The following TCEA3 variants were observed in gnomAD, a reference collection of about 807,000 sequenced individuals.
TCEA3 encodes transcription elongation factor A protein 3.
In TCEA3, 36 loss-of-function variants were observed where a neutral mutation model predicts 44.0. The ratio of observed to expected loss-of-function variants is 0.82; its 90% CI spans 0.63 to 1.08. The LOEUF is 1.08. TCEA3 is among the 50% of genes least tolerant of loss of function. The pLI is 0.00. For synonymous variants in TCEA3, 162 were observed against 159.7 expected (o/e 1.01, Z -0.11); for missense variants, 392 against 441.2 (o/e 0.89, Z 1.00).
chr1:23,384,679 T>TTTTG (rs1558016807), intron 9 of TCEA3, among the ~76,000 whole-genome samples: 1 of 149,920 alleles, frequency 6.7e-6, no homozygotes. Context: ...TTTTTTTTTT[T>TTTTG]TTTTGACAGT....
At chr1:23,394,406 G>A (rs1036998123) in intron 7 of TCEA3, among the ~76,000 whole-genome samples, 1 of 152,138 alleles carries the variant, frequency 6.6e-6, no homozygotes, top group African/African-American at 2.4e-5. Flanking sequence ...GCCACGTGAT[G>A]CACTAGTGTG....
chr1:23,408,719 A>T lies in TCEA3; in HGVS notation c.388T>A (p.Ser130Thr), dbSNP rs372271797. The T allele has an allele frequency of 6.2e-7, 1 of 1,608,832 alleles. No individual in the cohort carries two copies. The highest frequency in any genetic ancestry group is 8.5e-7 in the Non-Finnish European group (1 of 1,177,680). ...GAGGCAGAAGACTTGGAGTCCACAGAGTCTCTCCTGAAAGAAGAAAATTGG... is the reference window on the plus strand; with the variant it reads ...GAGGCAGAAGACTTGGAGTCCACAGTGTCTCTCCTGAAAGAAGAAAATTGG... ...KREDPKTRRD[S>T]VDSKSSASSS... The change falls in exon 5 of 11, where the codon TCT becomes ACT. Residue 130 changes from serine to threonine, a missense_variant. Physicochemically the swap from Ser to Thr is moderately conservative, Grantham distance 58 (BLOSUM62 1). Transcript: ENST00000450454.
At chr1:23,381,756 A>G (rs1638676948) in intron 10 of TCEA3, among the ~76,000 whole-genome samples, 1 of 152,226 alleles carries the variant, frequency 6.6e-6, no homozygotes, top group African/African-American at 2.4e-5. Context: ...CATCACTGGG[A>G]TGGCTACTAA....
chr1:23,416,694 G>C (rs749372221), intron 4 of TCEA3, among the ~76,000 whole-genome samples: 33 of 152,048 alleles, frequency 2.2e-4, no homozygotes, highest in Admixed American at 1.6e-3. Flanking sequence ...GTTTTGCCAT[G>C]TTGCCCAGGC....
intron 8 of TCEA3, among the ~76,000 whole-genome samples, chr1:23,390,235 G>C (rs991778851): frequency 2.6e-5 from 4 of 152,200 alleles, no homozygotes; most frequent in Admixed American, 1.3e-4. Context: ...TCAGGAAGCC[G>C]AGGCGGGCAG....
chr1:23,405,594 C>A (rs1639521845), intron 5 of TCEA3, among the ~76,000 whole-genome samples: 1 of 146,292 alleles, frequency 6.8e-6, no homozygotes. Flanking sequence ...GACTTCATCT[C>A]AAAAAAAAAA....
intron 8 of TCEA3, among the ~76,000 whole-genome samples, chr1:23,391,946 A>AT (rs2148550687): frequency 6.6e-6 from 1 of 152,288 alleles, no homozygotes; most frequent in South Asian, 2.1e-4. Context: ...ACAAAAAAAA[A>AT]GAAATGTGAG....
At chr1:23,424,484 CA>C in intron 1 of TCEA3, 80 bp downstream of exon 1, 1 of 1,343,732 alleles carries the variant, frequency 7.4e-7, no homozygotes, top group Non-Finnish European at 1.0e-6. Context: ...GGCGCCCCGC[CA>C]GTACGTCCCC....
chr1:23,411,039 G>A, intron 4 of TCEA3: 1 of 204,964 alleles, frequency 4.9e-6, no homozygotes, highest in East Asian at 1.3e-4. Flanking sequence ...TCAGGGGACA[G>A]GAAAGTGTAC....
intron 7 of TCEA3, among the ~76,000 whole-genome samples, chr1:23,395,615 C>T (rs1639193374): frequency 6.6e-6 from 1 of 152,094 alleles, no homozygotes; most frequent in Admixed American, 6.6e-5. Context: ...CACCTGAGGT[C>T]AGGAGTTCAA....
Position 23,387,473 on chromosome 1 carries a change from C to T in TCEA3, c.820-54G>A, listed in dbSNP as rs1638882643. On this transcript the variant is annotated intron_variant, in intron 8 of 10. Coordinates refer to ENST00000450454, the MANE Select transcript of TCEA3 (RefSeq NM_003196.3). The stretch of plus-strand genomic sequence containing the variant: ...GCTGAGGAGTTTCAGGGGCCCTGCC[C>T]TACACCCGGTTTCTAGAAAGCCTGA... 11 of 1,512,266 alleles carry T rather than the reference C, an allele frequency of 7.3e-6. No homozygotes were observed. The South Asian group carries it at 1.4e-4, about 19-fold the overall frequency. The allele number at this position is 1,512,266 out of a possible 1,614,324, so 93.7% of individuals were successfully genotyped here. A position where few individuals can be genotyped will look rare whatever the true frequency, so the allele number is the denominator to read the frequency against.
intron 10 of TCEA3, among the ~76,000 whole-genome samples, chr1:23,383,257 G>A (rs1261189180): frequency 1.4e-5 from 2 of 143,276 alleles, no homozygotes; most frequent in Non-Finnish European, 3.0e-5. Flanking sequence ...TCCAGCCTGG[G>A]CAACAGAGCG....
At chr1:23,392,040 A>G (rs1017421698) in intron 8 of TCEA3, among the ~76,000 whole-genome samples, 2 of 152,174 alleles carry the variant, frequency 1.3e-5, no homozygotes, top group Admixed American at 1.3e-4. Context: ...TGTAAAGCCA[A>G]GTTGCAATTT....
At chr1:23,399,405 C>A (rs559141617) in intron 5 of TCEA3, among the ~76,000 whole-genome samples, 13 of 151,816 alleles carry the variant, frequency 8.6e-5, no homozygotes, top group African/African-American at 1.7e-4. Context: ...CTCATAGGGA[C>A]ACTAATCCTA....
At chr1:23,404,097 C>T (rs2148566969) in intron 5 of TCEA3, 1 of 702,264 alleles carries the variant, frequency 1.4e-6, no homozygotes, top group Non-Finnish European at 2.6e-6. Flanking sequence ...CATCTGGAGG[C>T]CGGGCCCGCT....
chr1:23,408,480 C>T, intron 5 of TCEA3, 184 bp downstream of exon 5: 1 of 566,990 alleles, frequency 1.8e-6, no homozygotes, highest in East Asian at 3.0e-5. Flanking sequence ...AAAGGCACAT[C>T]CAGAGGGTCC....
chr1:23,393,531 C>T (rs1558032845), intron 8 of TCEA3, among the ~76,000 whole-genome samples: 2 of 152,186 alleles, frequency 1.3e-5, no homozygotes, highest in Admixed American at 6.5e-5. Context: ...GGCCAGACAG[C>T]TTGCCTCCTG....
At chr1:23,392,861 G>A (rs1639103810) in intron 8 of TCEA3, among the ~76,000 whole-genome samples, 1 of 152,146 alleles carries the variant, frequency 6.6e-6, no homozygotes, top group African/African-American at 2.4e-5. Flanking sequence ...TGGTTTCCTG[G>A]AAGACAGTTT....
At chr1:23,420,831 G>A (rs1640041438) in intron 1 of TCEA3, among the ~76,000 whole-genome samples, 2 of 152,132 alleles carry the variant, frequency 1.3e-5, no homozygotes, top group South Asian at 4.2e-4. Context: ...CCAGGCCCTG[G>A]ACACCCTCCG....
Sources: gnomAD v4.1 joint callset for allele counts (sites outside exome capture counted in the v4.1 genomes callset) on GRCh38, gnomAD v4.1.1 for gene constraint, MANE v1.5 for transcripts, NCBI Gene and HGNC (gene_info 2026-07-23, HGNC 2026-07-21) for gene names.